RAPGEF1: variants seen among roughly 807,000 people sequenced by gnomAD.
RAPGEF1 encodes the protein Rap guanine nucleotide exchange factor 1, also known as CRK SH3-binding GNRP.
A neutral mutation model predicts 143.3 loss-of-function variants in RAPGEF1; 33 were observed. The ratio of observed to expected loss-of-function variants is 0.23; its 90% CI spans 0.17 to 0.31. The LOEUF (loss-of-function observed/expected upper bound fraction) is 0.31, where lower values mean the gene tolerates loss of function less well. Among genes scored for constraint, RAPGEF1 ranks in the 10% least tolerant of loss-of-function variants. RAPGEF1 has a pLI of 1.00. For synonymous variants in RAPGEF1, 629 were observed against 676.5 expected (o/e 0.93, Z 1.09); for missense variants, 1,199 against 1,645.4 (o/e 0.73, Z 4.69).
chr9:131,636,180 G>A (rs1397192608), intron 5 of RAPGEF1, among the ~76,000 whole-genome samples: 1 of 152,190 alleles, frequency 6.6e-6, no homozygotes, highest in Non-Finnish European at 1.5e-5. Flanking sequence ...TTACGGTCCT[G>A]CCCCCCTTAG....
intron 1 of RAPGEF1, among the ~76,000 whole-genome samples, chr9:131,699,609 G>A (rs929718494): frequency 6.6e-6 from 1 of 152,146 alleles, no homozygotes; most frequent in African/African-American, 2.4e-5. Context: ...GCCAAGTCTT[G>A]GTCCTCAAGG....
At chr9:131,597,193 G>C (rs985481933) in intron 16 of RAPGEF1, among the ~76,000 whole-genome samples, 12 of 152,198 alleles carry the variant, frequency 7.9e-5, no homozygotes, top group Non-Finnish European at 1.5e-4. Flanking sequence ...TACACACTCC[G>C]GGACTAGCCC....
chr9:131,584,709 C>T lies in RAPGEF1; in HGVS notation c.3234-113G>A, dbSNP rs1192763255. On this transcript the variant is annotated intron_variant, in intron 22 of 26. Transcript: ENST00000683357. The surrounding 1 kb of genome is among the most constrained non-coding windows in gnomAD (Gnocchi z 6.8). ...CCCCATGCCAGTGGCCACGAGCCCA[C>T]CCCTACTGAATACCTGCAGCCTGCC... 1 of 964,828 alleles carries T rather than the reference C, an allele frequency of 1.0e-6. No individual in the cohort carries two copies. The highest frequency in any genetic ancestry group is 1.6e-6 in the Non-Finnish European group (1 of 615,984). The allele number at this position is 964,828 out of a possible 1,614,324, so 59.8% of individuals were successfully genotyped here.
At chr9:131,652,550 T>G (rs1971340142) in intron 1 of RAPGEF1, among the ~76,000 whole-genome samples, 1 of 152,182 alleles carries the variant, frequency 6.6e-6, no homozygotes, top group African/African-American at 2.4e-5. Flanking sequence ...CTTTTAAAAC[T>G]TTTCATTAAA....
At chr9:131,601,135 G>A (rs1232317127) in intron 15 of RAPGEF1, among the ~76,000 whole-genome samples, 1 of 136,498 alleles carries the variant, frequency 7.3e-6, no homozygotes, top group African/African-American at 2.8e-5. Context: ...TCGCGCCACT[G>A]CACTCTAGCC....
At chr9:131,633,677 T>G (rs1965555551) in intron 5 of RAPGEF1, among the ~76,000 whole-genome samples, 1 of 152,212 alleles carries the variant, frequency 6.6e-6, no homozygotes, top group Non-Finnish European at 1.5e-5. Flanking sequence ...TGACGCTCCC[T>G]ACACTAGCTC....
chr9:131,588,063 G>C, intron 20 of RAPGEF1, 37 bp from the exon 21 acceptor site: 2 of 1,558,620 alleles, frequency 1.3e-6, no homozygotes, highest in Non-Finnish European at 1.8e-6. Flanking sequence ...CGTCAGGGGT[G>C]GGGAGGCCGG....
At position 131,584,550 on chromosome 9, in the gene RAPGEF1, G is replaced by A. The variant is rs761320676; in HGVS notation, c.3280C>T (p.Arg1094Trp). 3.1e-6 allele frequency: 5 copies of A among 1,613,864 alleles called. No homozygotes were observed. Among genetic ancestry groups the A allele is most frequent in the East Asian group, 2.2e-5 (1 of 44,890 alleles). The change falls in exon 23 of 27, where the codon CGG (arginine) becomes TGG (tryptophan). Residue 1094 changes from arginine to tryptophan, a missense_variant. Coordinates refer to ENST00000683357, the MANE Select transcript of RAPGEF1 (RefSeq NM_001377935.1). The surrounding 1 kb of genome is among the most constrained non-coding windows in gnomAD (Gnocchi z 6.8). ...ATCTTGATGAACTTCAAGAGCAGCCGTTCCCTGTCCTGGGCCTTTTCCTGT... is the reference window on the plus strand; with the variant it reads ...ATCTTGATGAACTTCAAGAGCAGCCATTCCCTGTCCTGGGCCTTTTCCTGT... ...MLQEKAQDRERLLLKFIKIMK... is the reference protein window; with the variant it reads ...MLQEKAQDREWLLLKFIKIMK...
intron 16 of RAPGEF1, among the ~76,000 whole-genome samples, chr9:131,596,619 T>C (rs1955339698): frequency 6.6e-6 from 1 of 152,138 alleles, no homozygotes; most frequent in Non-Finnish European, 1.5e-5. Flanking sequence ...GCCTGGGAGC[T>C]GCCCCGGCAC....
At chr9:131,737,492 G>A in intron 1 of RAPGEF1, 1 of 1,613,494 alleles carries the variant, frequency 6.2e-7, no homozygotes, top group Non-Finnish European at 8.5e-7. Flanking sequence ...CTGGGAGCAG[G>A]CACTTTCATC....
intron 22 of RAPGEF1, among the ~76,000 whole-genome samples, chr9:131,586,095 C>T (rs1952676054): frequency 6.6e-6 from 1 of 151,972 alleles, no homozygotes; most frequent in African/African-American, 2.4e-5. Context: ...AGGAGAATGG[C>T]GTGAACCCGG....
At chr9:131,707,761 T>A (rs1314784090) in intron 1 of RAPGEF1, among the ~76,000 whole-genome samples, 2 of 152,224 alleles carry the variant, frequency 1.3e-5, no homozygotes, top group East Asian at 3.8e-4. Context: ...TTTATTAACG[T>A]GTATACAGGG....
At chr9:131,607,426 T>C (rs2132560423) in intron 12 of RAPGEF1, among the ~76,000 whole-genome samples, 1 of 152,258 alleles carries the variant, frequency 6.6e-6, no homozygotes, top group South Asian at 2.1e-4. Flanking sequence ...TGGGCCTTCC[T>C]GGGATGGCAG....
chr9:131,657,838 A>G (rs928776644), intron 1 of RAPGEF1, among the ~76,000 whole-genome samples: 6 of 152,336 alleles, frequency 3.9e-5, no homozygotes, highest in Admixed American at 3.9e-4. Context: ...CTTACTTTTC[A>G]GGATAGTTTA....
intron 1 of RAPGEF1, among the ~76,000 whole-genome samples, chr9:131,651,335 C>T (rs1473862993): frequency 1.3e-5 from 2 of 152,176 alleles, no homozygotes; most frequent in Non-Finnish European, 2.9e-5. Context: ...TCGCATCAAC[C>T]TCTTCATTCT....
At chr9:131,649,200 A>ATT (rs55813422) in intron 3 of RAPGEF1, among the ~76,000 whole-genome samples, 2,134 of 87,212 alleles carry the variant, frequency 0.024, 127 homozygotes, top group East Asian at 0.064. Context: ...GCCTGGCTAA[A>ATT]TTTTTTTTTT....
rs543567056 is a variant in RAPGEF1 at position 131,604,865 on chromosome 9, C to T, written c.2319+66G>A. 7.6e-5 allele frequency: 93 copies of T among 1,217,032 alleles called. 1 individual carries two copies. Among genetic ancestry groups the T allele is most frequent in the African/African-American group, 1.4e-4 (9 of 62,458 alleles). 75.4% of individuals were successfully genotyped at this position (1,217,032 alleles called of 1,614,324 possible). A position where few individuals can be genotyped will look rare whatever the true frequency, so the allele number is the denominator to read the frequency against. ...GAACGTGAAACCGCTTTTTAAAAAA[C>T]GTGCAGCCCCATGTGCAGGGGTGTG... On this transcript the variant is annotated intron_variant, in intron 13 of 26. Transcript: ENST00000683357.
At chr9:131,609,139 T>C (rs1360830427) in intron 12 of RAPGEF1, among the ~76,000 whole-genome samples, 4 of 152,080 alleles carry the variant, frequency 2.6e-5, no homozygotes, top group African/African-American at 9.7e-5. Context: ...TGGCCCCCAA[T>C]GTCAGCCCTG....
chr9:131,706,992 T>C (rs774600247), intron 1 of RAPGEF1, among the ~76,000 whole-genome samples: 2 of 152,388 alleles, frequency 1.3e-5, no homozygotes, highest in South Asian at 4.1e-4. Flanking sequence ...CAAACCTGTC[T>C]GTCTGTATAC....
Sources: allele counts gnomAD v4.1 joint callset (sites outside exome capture counted in the v4.1 genomes callset), GRCh38; gene constraint gnomAD v4.1.1; non-coding constraint Gnocchi (gnomAD v3.1); transcripts MANE v1.5; gene names NCBI Gene and HGNC (gene_info 2026-07-23, HGNC 2026-07-21).